PSMD1: variants seen among roughly 807,000 people sequenced by gnomAD.
The protein encoded by PSMD1 is 26S proteasome non-ATPase regulatory subunit 1.
In PSMD1, 18 loss-of-function variants were observed where a neutral mutation model predicts 119.0. The ratio of observed to expected loss-of-function variants is 0.15; its 90% CI spans 0.10 to 0.22. The LOEUF is 0.22. PSMD1 is among the 10% of genes least tolerant of loss of function. PSMD1 has a pLI of 1.00. For synonymous variants in PSMD1, 374 were observed against 396.6 expected (o/e 0.94, Z 0.68); for missense variants, 702 against 1,158.5 (o/e 0.61, Z 5.72).
intron 23 of PSMD1, 100 bp downstream of exon 23, chr2:231,166,117 G>T: frequency 8.6e-7 from 1 of 1,160,916 alleles, no homozygotes; most frequent in South Asian, 2.2e-5. Context: ...AAGCATTGGA[G>T]CAAGCTCACT....
intron 23 of PSMD1, among the ~76,000 whole-genome samples, chr2:231,168,210 T>C (rs1134494): frequency 6.6e-6 from 1 of 152,186 alleles, no homozygotes; most frequent in South Asian, 2.1e-4. Flanking sequence ...CATAGAGTAA[T>C]AGTGGGAAAG....
intron 16 of PSMD1, among the ~76,000 whole-genome samples, chr2:231,129,850 A>C (rs1034987723): frequency 9.2e-5 from 14 of 152,270 alleles, no homozygotes; most frequent in Non-Finnish European, 1.8e-4. Context: ...TTTACCTGTA[A>C]TGGCACTGTT....
intron 10 of PSMD1, 38 bp from the exon 11 acceptor site, chr2:231,079,493 ATTTGT>A: frequency 2.9e-6 from 4 of 1,374,194 alleles, no homozygotes; most frequent in Non-Finnish European, 4.1e-6. Context: ...TAAGGAATTC[ATTTGT>A]TTTAACACTA....
chr2:231,138,970 G>A (rs757628045), intron 17 of PSMD1, 120 bp downstream of exon 17: 2 of 786,310 alleles, frequency 2.5e-6, no homozygotes, highest in Middle Eastern at 2.2e-4. Flanking sequence ...GAGTAAACTT[G>A]CCATACAAAG....
At chr2:231,142,627 AC>A (rs1401529389) in intron 17 of PSMD1, among the ~76,000 whole-genome samples, 1 of 152,038 alleles carries the variant, frequency 6.6e-6, no homozygotes, top group Non-Finnish European at 1.5e-5. Flanking sequence ...CTAGTTTGGG[AC>A]TTTTTTTTAA....
rs574772217 is a variant in PSMD1 at position 231,131,634 on chromosome 2, C to T, written c.1884-7102C>T. Reference sequence around the variant, plus strand: ...AAAATTAGCCGGGCGTAGTGGCGGGCGCCTGTAGTCCCAGCTACTTGGGAG... The same window carrying T: ...AAAATTAGCCGGGCGTAGTGGCGGGTGCCTGTAGTCCCAGCTACTTGGGAG... On this transcript the variant is annotated intron_variant, in intron 16 of 24. Transcript: ENST00000308696. 2.2e-3 allele frequency among the ~76,000 whole-genome samples: 205 copies of T among 91,602 alleles called. 41 individuals are homozygous for T. The highest frequency in any genetic ancestry group is 0.016 in the South Asian group (47 of 2,866). 60.1% of individuals were successfully genotyped at this position (91,602 alleles called of 152,430 possible).
At chr2:231,098,555 T>TTCTC (rs145547548) in intron 16 of PSMD1, among the ~76,000 whole-genome samples, 17 of 147,830 alleles carry the variant, frequency 1.1e-4, no homozygotes, top group Admixed American at 3.4e-4. Flanking sequence ...CCCCTTTCTC[T>TTCTC]TCTCTCTCTC....
At position 231,161,375 on chromosome 2, in the gene PSMD1, A is replaced by G. The variant is rs1263090141; in HGVS notation, c.2254A>G (p.Thr752Ala). 6.2e-7 allele frequency: 1 copy of G among 1,613,658 alleles called. No homozygotes were observed. The highest frequency in any genetic ancestry group is 1.1e-5 in the South Asian group (1 of 91,032). The change falls in exon 20 of 25, where the codon ACT (threonine) becomes GCT (alanine). Residue 752 changes from threonine (T) to alanine (A), a missense_variant. Coordinates refer to ENST00000308696, the MANE Select transcript of PSMD1 (RefSeq NM_002807.4). ...TGTCACAATCTCCTTGCAGTCCAGG[A>G]CTGGGCATACTCATATGCCTTCTGT... ...HNVTISLQSR[T>A]GHTHMPSVVG...
At chr2:231,165,737 CT>C (rs1327011017) in intron 22 of PSMD1, 133 bp from the exon 23 acceptor site, 33 of 725,958 alleles carry the variant, frequency 4.5e-5, no homozygotes, top group Non-Finnish European at 6.7e-5. Context: ...TCTGATAGCA[CT>C]TTAGTTGTAC....
rs182048437 is a variant in PSMD1 at position 231,085,665 on chromosome 2, C to T, written c.1818+551C>T. ...AATCCCCCACCCCCACACCCCGGGACCCCTAAGGAACATGATCTATTACAA... is the reference window on the plus strand; with the variant it reads ...AATCCCCCACCCCCACACCCCGGGATCCCTAAGGAACATGATCTATTACAA... On this transcript the variant is annotated intron_variant, in intron 15 of 24. Coordinates refer to ENST00000308696, the MANE Select transcript of PSMD1 (RefSeq NM_002807.4). 2.1e-5 allele frequency among the ~76,000 whole-genome samples: 3 copies of T among 145,378 alleles called. No homozygotes were observed. The Admixed American group carries it at 2.1e-4, about 10-fold the overall frequency.
At chr2:231,059,404 C>T (rs1426980840) in intron 1 of PSMD1, among the ~76,000 whole-genome samples, 2 of 152,158 alleles carry the variant, frequency 1.3e-5, no homozygotes, top group African/African-American at 4.8e-5. Context: ...ATTGACCAGG[C>T]AGTTGCTAGG....
At chr2:231,164,696 C>T (rs1322313117) in intron 21 of PSMD1, among the ~76,000 whole-genome samples, 1 of 151,918 alleles carries the variant, frequency 6.6e-6, no homozygotes, top group African/African-American at 2.4e-5. Context: ...CAGCAAGACC[C>T]ATGAAGGAGA....
At chr2:231,107,242 G>T (rs969615569) in intron 16 of PSMD1, among the ~76,000 whole-genome samples, 3 of 152,192 alleles carry the variant, frequency 2.0e-5, no homozygotes, top group Non-Finnish European at 2.9e-5. Flanking sequence ...CTGCCACTGT[G>T]AAAATATATG....
chr2:231,112,335 C>T (rs1695181424), intron 16 of PSMD1, among the ~76,000 whole-genome samples: 2 of 152,340 alleles, frequency 1.3e-5, no homozygotes, highest in Admixed American at 6.5e-5. Flanking sequence ...TCTGCTCTGT[C>T]GGCATCTGCC....
In PSMD1 at chr2:231,170,933, A is replaced by G. The variant is rs988402698; in HGVS notation, c.*9+212A>G. The stretch of plus-strand genomic sequence containing the variant: ...CTTTGACTCGTACTCTACTCACGTT[A>G]TTCAAAGTGGCTGGTCTGCAAACTA... On this transcript the variant is annotated intron_variant, in intron 24 of 24. Transcript: ENST00000308696. This position sits in a 1 kb window ranked among gnomAD's most constrained non-coding sequence, Gnocchi z 4.1. Among the ~76,000 whole-genome samples, 1 of 152,166 alleles carries G rather than the reference A, an allele frequency of 6.6e-6. No individual in the cohort carries two copies. The highest frequency in any genetic ancestry group is 2.4e-5 in the African/African-American group (1 of 41,428).
chr2:231,156,354 A>G (rs1696505308), intron 19 of PSMD1, among the ~76,000 whole-genome samples: 1 of 152,264 alleles, frequency 6.6e-6, no homozygotes, highest in South Asian at 2.1e-4. Context: ...ATTATTATTA[A>G]CTAAAGTCCC....
intron 17 of PSMD1, among the ~76,000 whole-genome samples, chr2:231,145,447 C>T (rs1696231093): frequency 6.6e-6 from 1 of 152,170 alleles, no homozygotes; most frequent in South Asian, 2.1e-4. Flanking sequence ...GGGCGTACGA[C>T]ACTATTGTCA....
intron 15 of PSMD1, among the ~76,000 whole-genome samples, chr2:231,086,387 T>C (rs1201375679): frequency 6.6e-6 from 1 of 152,228 alleles, no homozygotes. Context: ...CCGGGCATGG[T>C]GGCGTACACC....
At chr2:231,076,100 C>A (rs1252378095) in intron 8 of PSMD1, among the ~76,000 whole-genome samples, 2 of 152,058 alleles carry the variant, frequency 1.3e-5, no homozygotes, top group Admixed American at 1.3e-4. Context: ...AAATCAAATC[C>A]TTAGATCCTT....
Sources: gnomAD v4.1 joint callset for allele counts (sites outside exome capture counted in the v4.1 genomes callset) on GRCh38, gnomAD v4.1.1 for gene constraint, Gnocchi (gnomAD v3.1) non-coding constraint, MANE v1.5 for transcripts, NCBI Gene and HGNC (gene_info 2026-07-23, HGNC 2026-07-21) for gene names.